Variants in HNRNPUL1 observed in about 807,000 individuals in gnomAD.
HNRNPUL1 encodes heterogeneous nuclear ribonucleoprotein U like 1, also known as heterogeneous nuclear ribonucleoprotein U-like protein 1.
HNRNPUL1 carries 14 observed loss-of-function variants against 108.5 expected under a neutral mutation model. That is an observed-to-expected ratio of 0.13 (90% CI 0.09 to 0.20). The LOEUF is 0.20. Among genes scored for constraint, HNRNPUL1 ranks in the 10% least tolerant of loss-of-function variants. HNRNPUL1 has a pLI of 1.00. For missense variants in HNRNPUL1, 804 were observed against 1,168.3 expected (o/e 0.69, Z 4.55); for synonymous variants, 422 against 445.2 (o/e 0.95, Z 0.66).
At chr19:41,273,495 A>C (rs560010357) in intron 3 of HNRNPUL1, among the ~76,000 whole-genome samples, 10 of 152,362 alleles carry the variant, frequency 6.6e-5, no homozygotes, top group Admixed American at 5.2e-4. Context: ...GGACACTGAA[A>C]AAAATGGGTC....
In HNRNPUL1 at chr19:41,266,660, CTGGCGTAAGAGTT is replaced by C. The variant is rs537516178; in HGVS notation, c.296-1560_296-1548del. Among the ~76,000 whole-genome samples, 54 of 152,166 alleles carry C rather than the reference CTGGCGTAAGAGTT, an allele frequency of 3.5e-4. 2 individuals carry two copies. The South Asian group carries it at 9.5e-3, about 27-fold the overall frequency. ...GGTTAAGGAGTAAGTAGAAGGGATT[CTGGCGTAAGAGTT>C]TGTGGAGTTTTTCTGAAAAGAGGGC... On this transcript the variant is annotated intron_variant, in intron 1 of 14. Transcript: ENST00000392006.
At chr19:41,281,676 C>T (rs1448045837) in intron 7 of HNRNPUL1, among the ~76,000 whole-genome samples, 1 of 152,154 alleles carries the variant, frequency 6.6e-6, no homozygotes. Context: ...AAAACTTCTC[C>T]CTTTCTTCAT....
At position 41,268,581 on chromosome 19, in the gene HNRNPUL1, G is replaced by A. The variant is rs531620199; in HGVS notation, c.418+236G>A. ...TAAAAAAGTGATGTTAGTATCAGCCGGGTGTGGTGGCTCCCTCCTGTAATC... is the reference window on the plus strand; with the variant it reads ...TAAAAAAGTGATGTTAGTATCAGCCAGGTGTGGTGGCTCCCTCCTGTAATC... On this transcript the variant is annotated intron_variant, in intron 2 of 14. Coordinates refer to ENST00000392006, the MANE Select transcript of HNRNPUL1 (RefSeq NM_007040.6). Among the ~76,000 whole-genome samples, 11 of 152,212 alleles carry A rather than the reference G, an allele frequency of 7.2e-5. No individual in the cohort carries two copies. In the East Asian group the frequency reaches 1.9e-3, roughly 27 times the overall value.
chr19:41,281,222 T>C lies in HNRNPUL1; in HGVS notation c.946T>C (p.Phe316Leu). 6.2e-7 allele frequency: 1 copy of C among 1,614,182 alleles called. No homozygotes were observed. The highest frequency in any genetic ancestry group is 8.5e-7 in the Non-Finnish European group (1 of 1,180,012). ...TGGGAAGAAGTCCACCAATAGCCGG[T>C]TTGAAAACTACGGAGACAAGTTTGC... ...GTGKKSTNSR[F>L]ENYGDKFAEN... is the part of the protein sequence containing the mutation. The change falls in exon 7 of 15, where the codon TTT (phenylalanine) becomes CTT (leucine). Residue 316 changes from phenylalanine (F) to leucine (L), a missense_variant. By Grantham distance (22) the Phe-to-Leu change is conservative (BLOSUM62 0). This residue lies in a region of HNRNPUL1 where 174 missense variants were observed against 296.6 expected (regional missense o/e 0.59). Transcript: ENST00000392006.
intron 2 of HNRNPUL1, among the ~76,000 whole-genome samples, chr19:41,269,632 G>A (rs2035091834): frequency 6.6e-6 from 1 of 151,624 alleles, no homozygotes. Context: ...TGAGACCCCT[G>A]TTGTCTTTAG....
intron 10 of HNRNPUL1, among the ~76,000 whole-genome samples, chr19:41,300,657 G>A (rs2037152577): frequency 6.6e-6 from 1 of 152,226 alleles, no homozygotes. Context: ...GGCCCGACAT[G>A]AAGGAGGTGT....
intron 8 of HNRNPUL1, among the ~76,000 whole-genome samples, chr19:41,293,525 A>G (rs539642767): frequency 6.6e-6 from 1 of 152,310 alleles, no homozygotes; most frequent in Non-Finnish European, 1.5e-5. Flanking sequence ...TTTAAGATGC[A>G]TCTGTGTTTA....
rs747445224 is a variant in HNRNPUL1 at position 41,276,270 on chromosome 19, G to T, written c.758G>T (p.Arg253Ile). The T allele has an allele frequency of 6.2e-7, 1 of 1,611,780 alleles. No individual in the cohort carries two copies. Reference protein sequence around the residue: ...WSGARASYGVRRGRVCFEMKI... With the variant: ...WSGARASYGVIRGRVCFEMKI... ...GGAGCCCGTGCCAGCTATGGGGTCA[G>T]AAGGGGCCGTGTATGCTTCGAGATG... is the stretch of plus-strand genomic sequence containing the variant. Residue 253 changes from arginine to isoleucine, a missense_variant, in exon 5 of 15, where the codon AGA becomes ATA. Transcript: ENST00000392006.
In HNRNPUL1 at chr19:41,294,204, G is replaced by C. The variant is rs2036754822; in HGVS notation, c.1267-134G>C. The C allele has an allele frequency of 1.1e-6, 1 of 893,766 alleles. No individual in the cohort carries two copies. Among genetic ancestry groups the C allele is most frequent in the African/African-American group, 1.7e-5 (1 of 60,356 alleles). The allele number at this position is 893,766 out of a possible 1,614,324, so 55.4% of individuals were successfully genotyped here. A position where few individuals can be genotyped will look rare whatever the true frequency, so the allele number is the denominator to read the frequency against. On this transcript the variant is annotated intron_variant, in intron 8 of 14. Transcript: ENST00000392006. The surrounding 1 kb of genome is among the most constrained non-coding windows in gnomAD (Gnocchi z 4.3). Reference sequence around the variant, plus strand: ...TGAATCCCGATACCAGTACTGTGAGGTAGATGGTATTACTGCTTCCGCTTT... The same window carrying C: ...TGAATCCCGATACCAGTACTGTGAGCTAGATGGTATTACTGCTTCCGCTTT...
At chr19:41,303,154 G>A (rs2037335285) in intron 12 of HNRNPUL1, among the ~76,000 whole-genome samples, 1 of 152,094 alleles carries the variant, frequency 6.6e-6, no homozygotes, top group African/African-American at 2.4e-5. Flanking sequence ...GAAGCCCTTT[G>A]CCCATTTGCA....
At chr19:41,296,198 A>C (rs2036885932) in intron 10 of HNRNPUL1, among the ~76,000 whole-genome samples, 1 of 152,110 alleles carries the variant, frequency 6.6e-6, no homozygotes, top group Admixed American at 6.6e-5. Context: ...CCTAGGGGAG[A>C]ATGATTATAG....
intron 1 of HNRNPUL1, among the ~76,000 whole-genome samples, chr19:41,266,372 G>A (rs1433864473): frequency 6.6e-6 from 1 of 152,108 alleles, no homozygotes; most frequent in Admixed American, 6.5e-5. Context: ...GGGGGAGGTT[G>A]CAGTCAGCCG....
Position 41,294,809 on chromosome 19 carries a change from G to A in HNRNPUL1, c.1518+123G>A, listed in dbSNP as rs2036791426. The A allele has an allele frequency of 1.7e-6, 2 of 1,200,772 alleles. No homozygotes were observed. Among genetic ancestry groups the A allele is most frequent in the Middle Eastern group, 2.4e-4 (1 of 4,114 alleles). The allele number at this position is 1,200,772 out of a possible 1,614,324, so 74.4% of individuals were successfully genotyped here. Reference sequence around the variant, plus strand: ...GATGATGGACTGCTGTGCTAGTCGGGGGGGTCAGACCTTGTCATACATGAT... The same window carrying A: ...GATGATGGACTGCTGTGCTAGTCGGAGGGGTCAGACCTTGTCATACATGAT... On this transcript the variant is annotated intron_variant, in intron 10 of 14. Transcript: ENST00000392006. This position sits in a 1 kb window ranked among gnomAD's most constrained non-coding sequence, Gnocchi z 4.3.
At position 41,264,422 on chromosome 19, in the gene HNRNPUL1, G is replaced by A; in HGVS notation, c.-82G>A. 8.5e-7 allele frequency: 1 copy of A among 1,176,808 alleles called. No homozygotes were observed. 72.9% of individuals were successfully genotyped at this position (1,176,808 alleles called of 1,614,324 possible). ...GTGGGCCCCCCCCCTTTCCCCCTTC[G>A]CCTCCTGACAGGAAAGGTTTAAGGG... On this transcript the variant is annotated 5_prime_UTR_variant, in exon 1 of 15. Coordinates refer to ENST00000392006, the MANE Select transcript of HNRNPUL1 (RefSeq NM_007040.6).
chr19:41,273,580 AG>A (rs2035371312), intron 3 of HNRNPUL1, among the ~76,000 whole-genome samples: 1 of 152,216 alleles, frequency 6.6e-6, no homozygotes, highest in Non-Finnish European at 1.5e-5. Context: ...GGATTTATAT[AG>A]GCTCTTGCAC....
At chr19:41,295,579 A>G (rs2036845796) in intron 10 of HNRNPUL1, among the ~76,000 whole-genome samples, 1 of 152,104 alleles carries the variant, frequency 6.6e-6, no homozygotes, top group Non-Finnish European at 1.5e-5. Context: ...ATGTTTGGGG[A>G]TCTGTGAATG....
chr19:41,286,788 C>T (rs948548003), intron 7 of HNRNPUL1: 3 of 143,244 alleles, frequency 2.1e-5, no homozygotes, highest in African/African-American at 5.3e-5. Flanking sequence ...TTTATCTCGG[C>T]TCACTGCAAC....
chr19:41,264,953 C>G, intron 1 of HNRNPUL1, 155 bp downstream of exon 1: 1 of 1,339,954 alleles, frequency 7.5e-7, no homozygotes, highest in Non-Finnish European at 9.5e-7. Flanking sequence ...GACCAGGGCC[C>G]CAGCACGACC....
intron 10 of HNRNPUL1, among the ~76,000 whole-genome samples, chr19:41,296,081 C>T (rs1279386714): frequency 6.6e-6 from 1 of 152,198 alleles, no homozygotes; most frequent in Non-Finnish European, 1.5e-5. Flanking sequence ...ACCATTTTAA[C>T]ACTCTGAGGA....
Sources: gnomAD v4.1 joint callset for allele counts (sites outside exome capture counted in the v4.1 genomes callset) on GRCh38, gnomAD v4.1.1 for gene constraint, gnomAD v4.1.1 regional missense constraint, Gnocchi (gnomAD v3.1) non-coding constraint, MANE v1.5 for transcripts, NCBI Gene and HGNC (gene_info 2026-07-23, HGNC 2026-07-21) for gene names.